SUN3: variants seen among roughly 807,000 people sequenced by gnomAD.
The protein encoded by SUN3 is SUN domain-containing protein 3.
SUN3 carries 36 observed loss-of-function variants against 48.2 expected under a neutral mutation model. The observed-to-expected ratio is 0.75, with a 90% confidence interval of 0.57 to 0.99. SUN3 has a LOEUF of 0.99. Among genes scored for constraint, SUN3 ranks in the 50% least tolerant of loss-of-function variants. The probability of loss-of-function intolerance (pLI) is 0.00; values close to 1 mark genes in which losing one functional copy is unlikely to be tolerated. For missense variants in SUN3, 419 were observed against 433.1 expected (o/e 0.97, Z 0.29); for synonymous variants, 148 against 147.9 (o/e 1.00, Z 0.00).
intron 3 of SUN3, among the ~76,000 whole-genome samples, chr7:48,011,018 C>T (rs887711999): frequency 7.9e-5 from 12 of 152,168 alleles, no homozygotes; most frequent in Non-Finnish European, 4.4e-5. Flanking sequence ...CTGTGTCTCT[C>T]TCCTCTGTAA....
chr7:48,015,697 G>A (rs1358374728), intron 3 of SUN3, among the ~76,000 whole-genome samples: 1 of 152,168 alleles, frequency 6.6e-6, no homozygotes, highest in Non-Finnish European at 1.5e-5. Flanking sequence ...CAGAGCAGCA[G>A]TAACCTGGTC....
At chr7:48,006,915 T>C (rs190927405) in intron 5 of SUN3, among the ~76,000 whole-genome samples, 1 of 152,232 alleles carries the variant, frequency 6.6e-6, no homozygotes, top group African/African-American at 2.4e-5. Context: ...TTCTTTCTTT[T>C]ACTGGAAAAT....
chr7:47,996,030 C>T lies in SUN3; in HGVS notation c.693+1G>A. The T allele has an allele frequency of 6.9e-7, 1 of 1,457,642 alleles. No individual in the cohort carries two copies. Among genetic ancestry groups the T allele is most frequent in the Non-Finnish European group, 9.3e-7 (1 of 1,080,072 alleles). 90.3% of individuals were successfully genotyped at this position (1,457,642 alleles called of 1,614,324 possible). A position where few individuals can be genotyped will look rare whatever the true frequency, so the allele number is the denominator to read the frequency against. On this transcript the variant is annotated splice_donor_variant, in intron 7 of 9. Transcript: ENST00000297325. LOFTEE classifies it high-confidence loss of function. ...ATAAGTGATTCTTAATTTAGCTTTA[C>T]CTGAAGAATAATATCTGGAGGCATT...
chr7:48,017,338 T>C lies in SUN3; in HGVS notation c.212A>G (p.Glu71Gly). ...VGLLNHQWLK[E>G]TDVPQKSRQL... The stretch of plus-strand genomic sequence containing the variant: ...TCTGGATTTCTGAGGAACATCTGTT[T>C]CTTTAAGCCACTGATGATTTAGGAG... Residue 71 changes from glutamate to glycine, a missense_variant, in exon 3 of 10, where the codon GAA becomes GGA. Physicochemically the swap from Glu to Gly is moderately conservative, Grantham distance 98 (BLOSUM62 -2). Transcript: ENST00000297325. 6.2e-7 allele frequency: 1 copy of C among 1,608,162 alleles called. No individual in the cohort carries two copies. The highest frequency in any genetic ancestry group is 8.5e-7 in the Non-Finnish European group (1 of 1,175,854).
intron 2 of SUN3, among the ~76,000 whole-genome samples, chr7:48,022,185 T>C (rs1306756528): frequency 6.6e-6 from 1 of 152,156 alleles, no homozygotes; most frequent in East Asian, 1.9e-4. Context: ...AAATATCACA[T>C]GTTCTCAATT....
chr7:48,034,609 A>G, the SUN3 span, among the ~76,000 whole-genome samples: 1 of 152,216 alleles, frequency 6.6e-6, no homozygotes. Flanking sequence ...AGGGTTGTAT[A>G]GGGCTTTCTG....
intron 8 of SUN3, chr7:47,990,894 A>G (rs2128769603): frequency 2.6e-6 from 1 of 382,894 alleles, no homozygotes; most frequent in South Asian, 1.8e-5. Context: ...AGTGGGAGCT[A>G]AATAATGAGA....
intron 2 of SUN3, among the ~76,000 whole-genome samples, chr7:48,024,274 G>A (rs1790076140): frequency 6.6e-6 from 1 of 152,022 alleles, no homozygotes; most frequent in African/African-American, 2.4e-5. Context: ...TATCTGAGAA[G>A]GATTTGGTAT....
At chr7:47,997,802 G>A (rs1789253482) in intron 6 of SUN3, among the ~76,000 whole-genome samples, 1 of 152,110 alleles carries the variant, frequency 6.6e-6, no homozygotes, top group African/African-American at 2.4e-5. Flanking sequence ...ACCTATTCTG[G>A]ACATTTCTTT....
chr7:48,035,364 C>G, the SUN3 span: 3 of 601,506 alleles, frequency 5.0e-6, no homozygotes, highest in South Asian at 1.9e-5. The surrounding 1 kb of genome is among the most constrained non-coding windows in gnomAD (Gnocchi z 4.0). Flanking sequence ...TGGTCCGGCT[C>G]TGGGCTACGG....
At chr7:48,005,638 T>C (rs773570639) in intron 6 of SUN3, among the ~76,000 whole-genome samples, 10 of 152,132 alleles carry the variant, frequency 6.6e-5, no homozygotes, top group Non-Finnish European at 1.3e-4. Context: ...TTTAGATTGG[T>C]GATCATAAGT....
In SUN3 at chr7:48,011,206, C is replaced by T. The variant is rs182995038; in HGVS notation, c.289-2131G>A. 5.9e-5 allele frequency among the ~76,000 whole-genome samples: 9 copies of T among 152,250 alleles called. No homozygotes were observed. In the East Asian group the frequency reaches 1.3e-3, roughly 23 times the overall value. On this transcript the variant is annotated intron_variant, in intron 3 of 9. Coordinates refer to ENST00000297325, the MANE Select transcript of SUN3 (RefSeq NM_001030019.2). The stretch of plus-strand genomic sequence containing the variant: ...TTTTTGGGAATCACCTTTCAACCTC[C>T]TACAGTGACCATCAATGTGCTATCT...
At chr7:48,034,314 A>G in the SUN3 span, among the ~76,000 whole-genome samples, 1 of 152,122 alleles carries the variant, frequency 6.6e-6, no homozygotes. Context: ...CACAAAAACT[A>G]TCTTCTCTTT....
rs372961353 is a variant in SUN3, at chr7:48,029,039, TTTG to T, written c.-104_-102del. ...TGAAGCTATACATACAGTTTCTAAA[TTTG>T]TTTTGTATAATGTCTTCTTCCTCCA... On this transcript the variant is annotated 5_prime_UTR_variant, in exon 1 of 10. Transcript: ENST00000297325. 3.1e-4 allele frequency: 470 copies of T among 1,539,932 alleles called. 1 individual carries two copies. In the African/African-American group the frequency reaches 5.2e-3, roughly 17 times the overall value.
rs370669672 is a variant in SUN3 at position 48,012,388 on chromosome 7, GT to G, written c.289-3314del. Among the ~76,000 whole-genome samples, 800 of 142,578 alleles carry G rather than the reference GT, an allele frequency of 5.6e-3. 10 individuals are homozygous for G. Among genetic ancestry groups the G allele is most frequent in the African/African-American group, 0.017 (680 of 39,252 alleles). 93.5% of individuals were successfully genotyped at this position (142,578 alleles called of 152,430 possible). A position where few individuals can be genotyped will look rare whatever the true frequency, so the allele number is the denominator to read the frequency against. ...CCCAGTTTTACTTGTTTTTTGTTTAGTTTTTTTTTTTTTTTCTTCAGATAAT... is the reference window on the plus strand; with the variant it reads ...CCCAGTTTTACTTGTTTTTTGTTTAGTTTTTTTTTTTTTTCTTCAGATAAT... On this transcript the variant is annotated intron_variant, in intron 3 of 9. Coordinates refer to ENST00000297325, the MANE Select transcript of SUN3 (RefSeq NM_001030019.2).
Position 48,019,551 on chromosome 7 carries a change from A to T in SUN3, c.185-2186T>A, listed in dbSNP as rs2128781677. Among the ~76,000 whole-genome samples the T allele has an allele frequency of 4.6e-5, 7 of 152,244 alleles. 1 individual carries two copies. The South Asian group carries it at 1.4e-3, about 32-fold the overall frequency. ...ATGAAACTGACAAACCTTTAGCCAG[A>T]TTAACAAAAAAGAGAAGATACAAAT... On this transcript the variant is annotated intron_variant, in intron 2 of 9. Transcript: ENST00000297325.
chr7:47,991,802 G>A (rs1019788985), intron 8 of SUN3, among the ~76,000 whole-genome samples: 1 of 152,116 alleles, frequency 6.6e-6, no homozygotes, highest in Non-Finnish European at 1.5e-5. Flanking sequence ...GAAAGCGTGA[G>A]GGGGAGTGTG....
chr7:47,994,445 C>G lies in SUN3; in HGVS notation c.731G>C (p.Gly244Ala). ...VYPGKCWAFP[G>A]SQGHTLIKLA... ...CTTGATTAGGGTATGACCCTGGGAA[C>G]CTGGAAAAGCCCAGCACTTTCCAGG... The change falls in exon 8 of 10, where the codon GGT becomes GCT. Residue 244 changes from glycine to alanine, a missense_variant. Gly to Ala is a moderately conservative substitution (Grantham distance 60). Transcript: ENST00000297325. 1 of 1,609,298 alleles carries G rather than the reference C, an allele frequency of 6.2e-7. No homozygotes were observed. Among genetic ancestry groups the G allele is most frequent in the Non-Finnish European group, 8.5e-7 (1 of 1,178,498 alleles).
chr7:47,990,207 C>T (rs1045188740), intron 8 of SUN3, among the ~76,000 whole-genome samples: 1 of 152,106 alleles, frequency 6.6e-6, no homozygotes, highest in African/African-American at 2.4e-5. Context: ...CGGTGTAAAA[C>T]CCGATTGAAT....
Sources: allele counts gnomAD v4.1 joint callset (sites outside exome capture counted in the v4.1 genomes callset), GRCh38; gene constraint gnomAD v4.1.1; non-coding constraint Gnocchi (gnomAD v3.1); transcripts MANE v1.5; gene names NCBI Gene and HGNC (gene_info 2026-07-23, HGNC 2026-07-21).